The following THSD7B variants were observed in gnomAD, a reference collection of about 807,000 sequenced individuals.
THSD7B encodes thrombospondin type 1 domain containing 7B, also known as thrombospondin type-1 domain-containing protein 7B.
Under a neutral mutation model 213.6 loss-of-function variants are expected in THSD7B, and 138 were observed. The observed-to-expected ratio is 0.65, with a 90% CI of 0.56 to 0.74. The LOEUF (loss-of-function observed/expected upper bound fraction) is 0.74, where lower values mean the gene tolerates loss of function less well. Among genes scored for constraint, THSD7B ranks in the 30% least tolerant of loss-of-function variants. THSD7B has a pLI of 0.00. For synonymous variants in THSD7B, 742 were observed against 687.0 expected (o/e 1.08, Z -1.25); for missense variants, 1,931 against 1,991.5 (o/e 0.97, Z 0.58).
At chr2:137,475,105 A>G (rs1404736200) in intron 15 of THSD7B, among the ~76,000 whole-genome samples, 1 of 152,152 alleles carries the variant, frequency 6.6e-6, no homozygotes, top group African/African-American at 2.4e-5. Flanking sequence ...TGCTAACAGT[A>G]GTCTATTGGA....
chr2:137,247,330 C>G (rs976417160), intron 10 of THSD7B, among the ~76,000 whole-genome samples: 1 of 152,116 alleles, frequency 6.6e-6, no homozygotes. Flanking sequence ...GTATTCATGT[C>G]ATGATGGCTG....
chr2:136,982,742 T>C (rs1037041379), intron 2 of THSD7B, among the ~76,000 whole-genome samples: 1 of 152,210 alleles, frequency 6.6e-6, no homozygotes, highest in Non-Finnish European at 1.5e-5. Flanking sequence ...AGTACCTGCT[T>C]GGGCTGGATA....
chr2:137,624,176 C>T (rs561429585), intron 20 of THSD7B, among the ~76,000 whole-genome samples: 1 of 152,276 alleles, frequency 6.6e-6, no homozygotes, highest in Non-Finnish European at 1.5e-5. Flanking sequence ...TAATACCACA[C>T]ATCTACAACC....
chr2:136,963,539 G>A (rs1389317809), intron 2 of THSD7B, among the ~76,000 whole-genome samples: 1 of 152,162 alleles, frequency 6.6e-6, no homozygotes, highest in East Asian at 1.9e-4. Context: ...AGTTACTCAG[G>A]AGGCTGAGGC....
intron 12 of THSD7B, among the ~76,000 whole-genome samples, chr2:137,290,121 T>C (rs1189761424): frequency 1.3e-5 from 2 of 151,030 alleles, no homozygotes; most frequent in East Asian, 1.9e-4. Flanking sequence ...TTTTTTTTTT[T>C]TTTTTTTTTA....
chr2:137,665,694 T>C (rs1207544882), intron 26 of THSD7B, among the ~76,000 whole-genome samples: 1 of 152,140 alleles, frequency 6.6e-6, no homozygotes, highest in Non-Finnish European at 1.5e-5. Flanking sequence ...GTAAATTATA[T>C]GAATTACATG....
At chr2:137,359,195 G>A in intron 12 of THSD7B, among the ~76,000 whole-genome samples, 1 of 152,022 alleles carries the variant, frequency 6.6e-6, no homozygotes, top group East Asian at 1.9e-4. Context: ...TCCCCTTATT[G>A]TCAAGTAAAA....
At chr2:136,988,143 C>G (rs559737942) in intron 2 of THSD7B, among the ~76,000 whole-genome samples, 29 of 152,286 alleles carry the variant, frequency 1.9e-4, no homozygotes, top group African/African-American at 6.7e-4. Flanking sequence ...TGTCCTTTTA[C>G]AGTTACTTCT....
At chr2:137,389,582 C>G (rs1685972321) in intron 12 of THSD7B, among the ~76,000 whole-genome samples, 2 of 151,328 alleles carry the variant, frequency 1.3e-5, no homozygotes. Flanking sequence ...ACTATAGTCC[C>G]ATTTGTTTAT....
At chr2:137,404,986 C>T (rs1421387555) in intron 12 of THSD7B, among the ~76,000 whole-genome samples, 2 of 151,058 alleles carry the variant, frequency 1.3e-5, no homozygotes, top group African/African-American at 4.9e-5. Flanking sequence ...CACCTGTACC[C>T]CAATAACTTA....
At position 137,049,185 on chromosome 2, in the gene THSD7B, A is replaced by C. The variant is rs79148386; in HGVS notation, c.140-7235A>C. Among the ~76,000 whole-genome samples the C allele has an allele frequency of 1.8e-3, 273 of 152,338 alleles. 7 individuals carry two copies. In the East Asian group the frequency reaches 0.049, roughly 27 times the overall value. ...TTGAGGCCATCGCTCGAACCAGGGCATTGAGCTGGACAGAGACAGGGGCAG... is the reference window on the plus strand; with the variant it reads ...TTGAGGCCATCGCTCGAACCAGGGCCTTGAGCTGGACAGAGACAGGGGCAG... On this transcript the variant is annotated intron_variant, in intron 2 of 27. Transcript: ENST00000409968.
chr2:137,537,786 T>A (rs911296105), intron 15 of THSD7B, among the ~76,000 whole-genome samples: 1 of 151,734 alleles, frequency 6.6e-6, no homozygotes, highest in Non-Finnish European at 1.5e-5. Context: ...CATTTATTCA[T>A]CTTTCTAAAA....
chr2:137,640,182 G>A (rs1682913414), intron 20 of THSD7B, among the ~76,000 whole-genome samples: 1 of 152,162 alleles, frequency 6.6e-6, no homozygotes, highest in Non-Finnish European at 1.5e-5. Context: ...ATGGGGGCCA[G>A]TCTTTCCCGT....
chr2:136,891,646 C>T (rs766076787), intron 2 of THSD7B, among the ~76,000 whole-genome samples: 1 of 152,156 alleles, frequency 6.6e-6, no homozygotes, highest in East Asian at 1.9e-4. Context: ...CTTTCATATT[C>T]GGGAAAGACA....
intron 14 of THSD7B, among the ~76,000 whole-genome samples, chr2:137,450,263 C>T (rs1018548267): frequency 2.0e-5 from 3 of 152,186 alleles, no homozygotes; most frequent in Non-Finnish European, 4.4e-5. Context: ...GCTAGAACTT[C>T]CAAAGCTGTA....
chr2:137,667,333 G>A (rs552819302), intron 26 of THSD7B, among the ~76,000 whole-genome samples: 53 of 152,040 alleles, frequency 3.5e-4, no homozygotes, highest in African/African-American at 8.7e-4. Flanking sequence ...TGACTTATGC[G>A]TGTCTCAGAA....
chr2:137,076,380 C>A (rs572160040), intron 3 of THSD7B, among the ~76,000 whole-genome samples: 1 of 152,322 alleles, frequency 6.6e-6, no homozygotes, highest in South Asian at 2.1e-4. Context: ...GGTGTAGGAC[C>A]CTCCGAGCCA....
chr2:137,151,438 C>G (rs1203801312), intron 5 of THSD7B, among the ~76,000 whole-genome samples: 6 of 151,774 alleles, frequency 4.0e-5, no homozygotes, highest in Non-Finnish European at 8.8e-5. Context: ...ACATCTTGTC[C>G]CATTGGAAGA....
chr2:137,407,118 C>T (rs1558786898), intron 13 of THSD7B, among the ~76,000 whole-genome samples: 2 of 152,030 alleles, frequency 1.3e-5, no homozygotes, highest in South Asian at 2.1e-4. Context: ...TGATAGTTTA[C>T]ACCTACATAA....
Sources: gnomAD v4.1 joint callset for allele counts (sites outside exome capture counted in the v4.1 genomes callset) on GRCh38, gnomAD v4.1.1 for gene constraint, MANE v1.5 for transcripts, NCBI Gene and HGNC (gene_info 2026-07-23, HGNC 2026-07-21) for gene names.